The following ABCB7 variants were observed in gnomAD, a reference collection of about 807,000 sequenced individuals.
ABCB7 encodes the protein ATP binding cassette subfamily B member 7.
In ABCB7, 7 loss-of-function variants were observed where a neutral mutation model predicts 54.4. That is an observed-to-expected ratio of 0.13 (90% CI 0.07 to 0.24). ABCB7 has a LOEUF of 0.24. ABCB7 is among the 10% of genes least tolerant of loss of function. The pLI is 1.00. For synonymous variants in ABCB7, 218 were observed against 207.1 expected (o/e 1.05, Z -0.45); for missense variants, 356 against 570.4 (o/e 0.62, Z 3.83).
At chrX:75,105,644 T>C (rs1200872675) in intron 3 of ABCB7, among the ~76,000 whole-genome samples, 1 of 111,272 alleles carries the variant, frequency 9.0e-6, no homozygotes, top group Admixed American at 9.5e-5. Context: ...TTTCACAGAA[T>C]TAGAAAAAAC....
chrX:75,092,592 C>A (rs2081553286), intron 4 of ABCB7, among the ~76,000 whole-genome samples: 1 of 111,257 alleles, frequency 9.0e-6, no homozygotes, highest in Non-Finnish European at 1.9e-5. Context: ...AGAACTTCTG[C>A]TTTACAAAAG....
chrX:75,098,975 A>G lies in ABCB7; in HGVS notation c.420T>C (p.Val140=), dbSNP rs1569231180. 1 of 1,211,681 alleles carries G rather than the reference A, an allele frequency of 8.3e-7. No individual in the cohort carries two copies. The highest frequency in any genetic ancestry group is 1.7e-5 in the African/African-American group (1 of 57,839). ...CACCCAAAAATCCCAGCGAAATGGC[A>G]ACTCTAGCTCGTAGATCTGGCCTGT... ...PKDRPDLRAR[V]AISLGFLGGA... Residue 140 remains valine (V), a synonymous_variant, in exon 4 of 16, where the codon GTT becomes GTC. Coordinates refer to ENST00000373394, the MANE Select transcript of ABCB7 (RefSeq NM_001271696.3).
At chrX:75,123,379 A>G (rs2081897640) in intron 1 of ABCB7, among the ~76,000 whole-genome samples, 1 of 111,740 alleles carries the variant, frequency 8.9e-6, no homozygotes, top group African/African-American at 3.3e-5. Context: ...ATTCTGTTCC[A>G]TTGGTCTATG....
chrX:75,061,535 C>T (rs2081282040), intron 14 of ABCB7, among the ~76,000 whole-genome samples: 1 of 111,179 alleles, frequency 9.0e-6, no homozygotes, highest in African/African-American at 3.3e-5. Context: ...AACAATGGGC[C>T]CTGAAACTTA....
chrX:75,127,162 A>C (rs1331081780), intron 1 of ABCB7, among the ~76,000 whole-genome samples: 1 of 111,626 alleles, frequency 9.0e-6, no homozygotes, highest in Admixed American at 9.5e-5. Context: ...ATCCTCCATA[A>C]AATACTGGCA....
intron 4 of ABCB7, among the ~76,000 whole-genome samples, chrX:75,077,016 T>C (rs2081415918): frequency 9.0e-6 from 1 of 111,725 alleles, no homozygotes; most frequent in Admixed American, 9.5e-5. Flanking sequence ...TATTTGTGTA[T>C]ATATTTCCCT....
chrX:75,147,351 T>C (rs1396465300), intron 1 of ABCB7, among the ~76,000 whole-genome samples: 1 of 111,812 alleles, frequency 8.9e-6, no homozygotes, highest in East Asian at 2.8e-4. Flanking sequence ...ATCATTCTAT[T>C]ATAAAGACAC....
At chrX:75,070,602 T>C in intron 9 of ABCB7, 80 bp from the exon 10 acceptor site, 1 of 963,846 alleles carries the variant, frequency 1.0e-6, no homozygotes, top group South Asian at 2.0e-5. Context: ...TATAGTCTAT[T>C]ACGACGGAAC....
intron 1 of ABCB7, among the ~76,000 whole-genome samples, chrX:75,141,847 A>G (rs2082056182): frequency 9.0e-6 from 1 of 111,455 alleles, no homozygotes; most frequent in South Asian, 3.8e-4. Context: ...GTGATGCCAG[A>G]AAGTAAAGAA....
chrX:75,098,485 CTTTTG>C (rs905074668), intron 4 of ABCB7, among the ~76,000 whole-genome samples: 3 of 110,925 alleles, frequency 2.7e-5, no homozygotes, highest in East Asian at 2.8e-4. Flanking sequence ...GGTTTTGTGG[CTTTTG>C]TTTTGTTTTG....
chrX:75,115,410 C>CTTTTTTTTTTTT (rs747398607), intron 1 of ABCB7, among the ~76,000 whole-genome samples: 37 of 30,187 alleles, frequency 1.2e-3, no homozygotes, highest in Middle Eastern at 0.029. Flanking sequence ...TGTCTCTTTT[C>CTTTTTTTTTTTT]TTTTTTTTTT....
At chrX:75,148,517 C>T (rs2082109171) in intron 1 of ABCB7, among the ~76,000 whole-genome samples, 1 of 110,557 alleles carries the variant, frequency 9.0e-6, no homozygotes, top group Non-Finnish European at 1.9e-5. Context: ...TCCCCACCCC[C>T]ACAAATTTAT....
At chrX:75,155,268 T>A (rs755800137) in intron 1 of ABCB7, among the ~76,000 whole-genome samples, 1 of 113,166 alleles carries the variant, frequency 8.8e-6, no homozygotes, top group South Asian at 3.6e-4. Flanking sequence ...TAAGAGGTTG[T>A]TTCTCATACA....
intron 3 of ABCB7, among the ~76,000 whole-genome samples, chrX:75,103,262 A>T (rs1015080010): frequency 9.0e-6 from 1 of 111,556 alleles, no homozygotes; most frequent in Non-Finnish European, 1.9e-5. Flanking sequence ...TCTTACATTT[A>T]AGTCTTTAAT....
intron 1 of ABCB7, among the ~76,000 whole-genome samples, chrX:75,134,083 T>C (rs1333207065): frequency 3.6e-5 from 4 of 112,033 alleles, no homozygotes; most frequent in African/African-American, 9.7e-5. Context: ...CCATCTTCAG[T>C]GGACTCATGT....
At chrX:75,065,317 C>A in intron 12 of ABCB7, 76 bp from the exon 13 acceptor site, 1 of 973,514 alleles carries the variant, frequency 1.0e-6, no homozygotes, top group South Asian at 2.3e-5. Context: ...ATTAAAAATT[C>A]AAATAGTAAA....
intron 3 of ABCB7, among the ~76,000 whole-genome samples, chrX:75,111,053 GT>G (rs141652162): frequency 0.65 from 71,888 of 110,458 alleles, 20,721 homozygotes; most frequent in Non-Finnish European, 0.91. Flanking sequence ...GGGCCCAGGA[GT>G]TCGAGAGCAG....
intron 4 of ABCB7, among the ~76,000 whole-genome samples, chrX:75,079,423 T>C (rs954193339): frequency 8.9e-6 from 1 of 112,112 alleles, no homozygotes. Context: ...TAGCAAATAG[T>C]GGTTTTCCCC....
At chrX:75,083,641 A>G (rs925237875) in intron 4 of ABCB7, among the ~76,000 whole-genome samples, 8 of 110,390 alleles carry the variant, frequency 7.2e-5, no homozygotes, top group African/African-American at 2.6e-4. Flanking sequence ...GCTAAAAACA[A>G]TTTTGAAAAG....
Sources: gnomAD v4.1 joint callset for allele counts (sites outside exome capture counted in the v4.1 genomes callset) on GRCh38, gnomAD v4.1.1 for gene constraint, MANE v1.5 for transcripts, NCBI Gene and HGNC (gene_info 2026-07-23, HGNC 2026-07-21) for gene names.